Variants in MRPS25 observed in about 807,000 individuals in gnomAD.
The protein encoded by MRPS25 is small ribosomal subunit protein mS25.
Under a neutral mutation model 17.3 loss-of-function variants are expected in MRPS25, and 15 were observed. The ratio of observed to expected loss-of-function variants is 0.87; its 90% CI spans 0.58 to 1.34. The LOEUF is 1.34. MRPS25 is among the 40% of genes most tolerant of loss of function. The pLI is 0.00. For missense variants in MRPS25, 225 were observed against 218.6 expected (o/e 1.03, Z -0.19); for synonymous variants, 94 against 83.3 (o/e 1.13, Z -0.70).
chr3:15,065,126 G>T lies in MRPS25; in HGVS notation c.69C>A (p.Phe23Leu). The T allele has an allele frequency of 6.2e-7, 1 of 1,609,306 alleles. No individual in the cohort carries two copies. The highest frequency in any genetic ancestry group is 8.5e-7 in the Non-Finnish European group (1 of 1,178,042). Reference sequence around the variant, plus strand: ...CTGTCATGACCTTCACGGAGTCCTTGAACACCACGTTCCCCTGGCTCAGAT... The same window carrying T: ...CTGTCATGACCTTCACGGAGTCCTTTAACACCACGTTCCCCTGGCTCAGAT... Reference protein sequence around the residue: ...LQYLSQGNVVFKDSVKVMTVN... With the variant: ...LQYLSQGNVVLKDSVKVMTVN... The change falls in exon 1 of 4, where the codon TTC (phenylalanine) becomes TTA (leucine). Residue 23 changes from phenylalanine to leucine, a missense_variant. Physicochemically the swap from Phe to Leu is conservative, Grantham distance 22. Coordinates refer to ENST00000253686, the MANE Select transcript of MRPS25 (RefSeq NM_022497.5).
intron 1 of MRPS25, among the ~76,000 whole-genome samples, chr3:15,060,379 G>A (rs537137576): frequency 6.6e-6 from 1 of 152,144 alleles, no homozygotes; most frequent in Admixed American, 6.5e-5. Flanking sequence ...TGGGCATAGT[G>A]GTACATGCTG....
In MRPS25 at chr3:15,065,223, C is replaced by G; in HGVS notation, c.-29G>C. The G allele has an allele frequency of 1.3e-6, 2 of 1,554,002 alleles. No individual in the cohort carries two copies. The highest frequency in any genetic ancestry group is 1.7e-6 in the Non-Finnish European group (2 of 1,152,788). ...GGCAACGGTGGCGGGGCCGACCCCA[C>G]GGGCCGCGAGCCGAGCAGCGACGAG... On this transcript the variant is annotated 5_prime_UTR_variant, in exon 1 of 4. Coordinates refer to ENST00000253686, the MANE Select transcript of MRPS25 (RefSeq NM_022497.5).
rs1466676239 is a variant in MRPS25, at chr3:15,050,624, G to GCTCT, written c.*1813_*1816dup. On this transcript the variant is annotated 3_prime_UTR_variant, in exon 4 of 4. Transcript: ENST00000253686. ...AACTGAAACCAGCAGACATGGGAGG[G>GCTCT]CTCTCTGTGGAGGAGAGCTTTTTCC... is the stretch of plus-strand genomic sequence containing the variant. 1 of 985,372 alleles carries GCTCT rather than the reference G, an allele frequency of 1.0e-6. No homozygotes were observed. The highest frequency in any genetic ancestry group is 1.7e-5 in the African/African-American group (1 of 57,332). 61.0% of individuals were successfully genotyped at this position (985,372 alleles called of 1,614,324 possible). A position where few individuals can be genotyped will look rare whatever the true frequency, so the allele number is the denominator to read the frequency against.
downstream of MRPS25, chr3:15,045,262 C>G (rs2042409813): frequency 6.6e-6 from 1 of 152,268 alleles, no homozygotes. Context: ...ACAAGCATAA[C>G]AGCTTTCAGA....
rs765121543 is a variant in MRPS25 at position 15,049,134 on chromosome 3, GTGTT to G, written c.*3303_*3306del. ...GTCTTGAAGAAGAATTTGCATTGTT[GTGTT>G]TGTATATAGAGTATTGCAGTGCATG... On this transcript the variant is annotated 3_prime_UTR_variant, in exon 4 of 4. Coordinates refer to ENST00000253686, the MANE Select transcript of MRPS25 (RefSeq NM_022497.5). 2 of 152,586 alleles carry G rather than the reference GTGTT, an allele frequency of 1.3e-5. No homozygotes were observed. The highest frequency in any genetic ancestry group is 4.8e-5 in the African/African-American group (2 of 41,442). 9.5% of individuals were successfully genotyped at this position (152,586 alleles called of 1,614,324 possible). A position where few individuals can be genotyped will look rare whatever the true frequency, so the allele number is the denominator to read the frequency against.
At chr3:15,047,643 A>G (rs2042503055), downstream of MRPS25, 1 of 152,228 alleles carries the variant, frequency 6.6e-6, no homozygotes, top group Admixed American at 6.5e-5. Flanking sequence ...AGTCAGCAAG[A>G]TGTGGGGCAC....
At position 15,052,624 on chromosome 3, in the gene MRPS25, G is replaced by C; in HGVS notation, c.339C>G (p.Leu113=). ...RKILGKNEET[L]REEEEEKKQL... ...GCTTTTTCTCCTCCTCCTCTTCCCT[G>C]AGGGTTTCCCTGCCAAAGAGCACAG... Residue 113 remains leucine (L), a synonymous_variant, in exon 4 of 4, where the codon CTC becomes CTG. Transcript: ENST00000253686. 1 of 1,613,792 alleles carries C rather than the reference G, an allele frequency of 6.2e-7. No individual in the cohort carries two copies. The highest frequency in any genetic ancestry group is 1.7e-5 in the Admixed American group (1 of 60,014).
chr3:15,046,432 T>G (rs2042454535), downstream of MRPS25: 1 of 152,244 alleles, frequency 6.6e-6, no homozygotes, highest in Admixed American at 6.5e-5. Context: ...TGGGGGATAG[T>G]TACGGCAAGG....
downstream of MRPS25, chr3:15,047,837 TATAAGTTATGATTTTAAATTTTC>T (rs1361153706): frequency 3.3e-5 from 5 of 152,376 alleles, no homozygotes; most frequent in Admixed American, 1.3e-4. Context: ...AACTCCTTTC[TATAAGTTATGATTTTAAATTTTC>T]AGATAAGAAT....
Position 15,052,466 on chromosome 3 carries a change from G to A in MRPS25, c.497C>T (p.Ala166Val), listed in dbSNP as rs779181756. The part of the protein sequence containing the change: ...PKEMRGKYKA[A>V]LKADAQD Reference sequence around the variant, plus strand: ...TTAGTCCTGGGCATCGGCTTTCAGAGCGGCTTTGTACTTCCCCCTCATCTC... The same window carrying A: ...TTAGTCCTGGGCATCGGCTTTCAGAACGGCTTTGTACTTCCCCCTCATCTC... The change falls in exon 4 of 4, where the codon GCT (alanine) becomes GTT (valine). Residue 166 changes from alanine to valine, a missense_variant. Coordinates refer to ENST00000253686, the MANE Select transcript of MRPS25 (RefSeq NM_022497.5). The A allele has an allele frequency of 6.2e-7, 1 of 1,614,052 alleles. No individual in the cohort carries two copies. Among genetic ancestry groups the A allele is most frequent in the East Asian group, 2.2e-5 (1 of 44,862 alleles).
downstream of MRPS25, chr3:15,045,197 G>A (rs1173309168): frequency 1.3e-5 from 2 of 152,140 alleles, no homozygotes; most frequent in African/African-American, 2.4e-5. Context: ...CCTGCCTTCC[G>A]TCGTTTTGAT....
At chr3:15,053,204 G>T in intron 3 of MRPS25, 176 bp downstream of exon 3, 1 of 1,383,456 alleles carries the variant, frequency 7.2e-7, no homozygotes, top group Non-Finnish European at 9.6e-7. Context: ...GAGGTTTAAT[G>T]ATTTGGTAAA....
chr3:15,062,497 G>A (rs1256156682), intron 1 of MRPS25, among the ~76,000 whole-genome samples: 4 of 147,198 alleles, frequency 2.7e-5, no homozygotes, highest in Admixed American at 6.7e-5. Flanking sequence ...GGTGAGGGGC[G>A]CCTCTGCCCG....
rs183744031 is a variant in MRPS25, at chr3:15,061,034, A to G, written c.135-1559T>C. Among the ~76,000 whole-genome samples the G allele has an allele frequency of 6.8e-3, 1,042 of 152,242 alleles. 44 individuals are homozygous for G. Among genetic ancestry groups the G allele is most frequent in the Admixed American group, 0.059 (908 of 15,294 alleles). ...CAGGCCTCTGATCAGTTCCCACCCC[A>G]CTGCAGAGTATCCCAGTGTCACAGA... On this transcript the variant is annotated intron_variant, in intron 1 of 3. Transcript: ENST00000253686.
Position 15,053,484 on chromosome 3 carries a change from C to G in MRPS25, c.242-17G>C, listed in dbSNP as rs141621704. 2 of 1,614,014 alleles carry G rather than the reference C, an allele frequency of 1.2e-6. No homozygotes were observed. Among genetic ancestry groups the G allele is most frequent in the African/African-American group, 2.7e-5 (2 of 74,902 alleles). ...CCCCAGAATCTGGAAACGGAAAGCA[C>G]GGGGCAGAAGAGAAACAGAACTCAC... On this transcript the variant is annotated splice_polypyrimidine_tract_variant and intron_variant, in intron 2 of 3. Transcript: ENST00000253686.
In MRPS25 at chr3:15,059,474, TC is replaced by T. The variant is rs2042719629; in HGVS notation, c.135del (p.Lys46SerfsTer20). ...TGAGGTATGTTGAAAAACACAAACTTCCTGCAAAAGGGAAGAAATGAAGCCT... is the reference window on the plus strand; with the variant it reads ...TGAGGTATGTTGAAAAACACAAACTTCTGCAAAAGGGAAGAAATGAAGCCT... ...NTHGELGEGA[R>X]KFVFFNIPQI... On this transcript the variant is annotated frameshift_variant and splice_region_variant, in exon 2 of 4. Coordinates refer to ENST00000253686, the MANE Select transcript of MRPS25 (RefSeq NM_022497.5). LOFTEE classifies it high-confidence loss of function. The T allele has an allele frequency of 1.2e-6, 2 of 1,605,924 alleles. No homozygotes were observed. Among genetic ancestry groups the T allele is most frequent in the Non-Finnish European group, 1.7e-6 (2 of 1,173,362 alleles).
chr3:15,054,878 G>A (rs1160511327), intron 2 of MRPS25, among the ~76,000 whole-genome samples: 1 of 152,156 alleles, frequency 6.6e-6, no homozygotes, highest in Non-Finnish European at 1.5e-5. Context: ...CAAAATATCT[G>A]AATATATTAG....
intron 1 of MRPS25, among the ~76,000 whole-genome samples, chr3:15,061,099 T>C (rs912310973): frequency 1.3e-5 from 2 of 151,962 alleles, no homozygotes; most frequent in African/African-American, 4.8e-5. Flanking sequence ...AGGTGAGACG[T>C]TCCCATACTT....
chr3:15,049,322 C>T lies in MRPS25; in HGVS notation c.*3119G>A, dbSNP rs1442819745. The T allele has an allele frequency of 6.6e-6, 1 of 152,652 alleles. No individual in the cohort carries two copies. Among genetic ancestry groups the T allele is most frequent in the East Asian group, 1.9e-4 (1 of 5,198 alleles). The allele number at this position is 152,652 out of a possible 1,614,324, so 9.5% of individuals were successfully genotyped here. A position where few individuals can be genotyped will look rare whatever the true frequency, so the allele number is the denominator to read the frequency against. On this transcript the variant is annotated 3_prime_UTR_variant, in exon 4 of 4. Transcript: ENST00000253686. The stretch of plus-strand genomic sequence containing the variant: ...CTTCATGATAGTAGTAATGCCTGGC[C>T]CCCAAACAATGCAGCGCTCTCTTGT...
Sources: allele counts gnomAD v4.1 joint callset (sites outside exome capture counted in the v4.1 genomes callset), GRCh38; gene constraint gnomAD v4.1.1; transcripts MANE v1.5; gene names NCBI Gene and HGNC (gene_info 2026-07-23, HGNC 2026-07-21).